The following PAM variants were observed in gnomAD, a reference collection of about 807,000 sequenced individuals.
PAM encodes the protein peptidylglycine alpha-amidating monooxygenase.
A neutral mutation model predicts 122.1 loss-of-function variants in PAM; 72 were observed. The ratio of observed to expected loss-of-function variants is 0.59; its 90% CI spans 0.49 to 0.72. The LOEUF is 0.72. Ranked by LOEUF, PAM falls within the 30% of genes least tolerant of loss-of-function variation. The pLI, the probability that PAM is intolerant of heterozygous loss-of-function variation, is 0.00. For synonymous variants in PAM, 389 were observed against 404.4 expected (o/e 0.96, Z 0.46); for missense variants, 1,106 against 1,183.7 (o/e 0.93, Z 0.96).
intron 1 of PAM, among the ~76,000 whole-genome samples, chr5:102,851,406 T>C (rs746245833): frequency 1.4e-4 from 22 of 152,202 alleles, no homozygotes; most frequent in Non-Finnish European, 2.6e-4. Context: ...AAGGCAGCCT[T>C]AATGAGCCTT....
intron 3 of PAM, among the ~76,000 whole-genome samples, chr5:102,887,759 T>C (rs1383652902): frequency 6.6e-6 from 1 of 151,998 alleles, no homozygotes. Flanking sequence ...GTTTCTTTGA[T>C]TTCCTTGCAC....
chr5:102,969,486 AAGG>A (rs1340124291), intron 14 of PAM, among the ~76,000 whole-genome samples: 1 of 152,076 alleles, frequency 6.6e-6, no homozygotes, highest in Non-Finnish European at 1.5e-5. Context: ...CTTTCTGAGG[AAGG>A]AGAAGAGTCT....
intron 1 of PAM, among the ~76,000 whole-genome samples, chr5:102,792,604 C>A (rs1401990288): frequency 6.6e-6 from 1 of 152,134 alleles, no homozygotes; most frequent in Admixed American, 6.6e-5. Flanking sequence ...TGGAATGGGG[C>A]AGTGTAATAA....
At chr5:102,786,135 T>G (rs1405615498) in intron 1 of PAM, among the ~76,000 whole-genome samples, 4 of 152,184 alleles carry the variant, frequency 2.6e-5, no homozygotes, top group Non-Finnish European at 4.4e-5. Flanking sequence ...GAGAAAGAAC[T>G]GAGAGGACAC....
At chr5:102,992,255 A>G (rs566933652) in intron 16 of PAM, among the ~76,000 whole-genome samples, 1 of 152,190 alleles carries the variant, frequency 6.6e-6, no homozygotes, top group African/African-American at 2.4e-5. Flanking sequence ...GCAGTTGAAC[A>G]TGCAAGATGT....
chr5:102,855,737 C>T (rs1782461927), intron 1 of PAM, among the ~76,000 whole-genome samples: 1 of 151,994 alleles, frequency 6.6e-6, no homozygotes, highest in Admixed American at 6.6e-5. Context: ...TCACAAACAT[C>T]TCATTAAAAA....
intron 1 of PAM, among the ~76,000 whole-genome samples, chr5:102,781,462 G>A (rs1580993252): frequency 1.3e-5 from 2 of 152,098 alleles, no homozygotes; most frequent in African/African-American, 4.8e-5. Context: ...AAATTCAGTG[G>A]GTACCTTCTC....
intron 14 of PAM, among the ~76,000 whole-genome samples, chr5:102,973,252 C>T (rs945647939): frequency 1.2e-4 from 19 of 152,118 alleles, no homozygotes; most frequent in African/African-American, 4.6e-4. Context: ...TTACCATTCA[C>T]ACAGTTGATA....
At chr5:103,021,326 G>A (rs1783487611) in intron 23 of PAM, among the ~76,000 whole-genome samples, 2 of 152,112 alleles carry the variant, frequency 1.3e-5, no homozygotes, top group South Asian at 4.1e-4. Context: ...TGCAGGTTGG[G>A]AATGGTTATA....
At chr5:102,957,766 G>C (rs1370784360) in intron 12 of PAM, among the ~76,000 whole-genome samples, 3 of 152,124 alleles carry the variant, frequency 2.0e-5, no homozygotes, top group African/African-American at 7.2e-5. Flanking sequence ...CTGACCTCAT[G>C]ATCCACCCAC....
At chr5:102,937,720 CCT>C (rs1345902133) in intron 7 of PAM, among the ~76,000 whole-genome samples, 1 of 152,070 alleles carries the variant, frequency 6.6e-6, no homozygotes, top group Non-Finnish European at 1.5e-5. Context: ...GCATGACTTG[CCT>C]AAGGTAGTCC....
chr5:102,905,335 G>A (rs1799218890), intron 4 of PAM, among the ~76,000 whole-genome samples: 1 of 151,602 alleles, frequency 6.6e-6, no homozygotes, highest in South Asian at 2.1e-4. Context: ...AATGATGACA[G>A]GTCCCTATCT....
At chr5:102,919,073 T>A (rs1320368852) in intron 5 of PAM, among the ~76,000 whole-genome samples, 2 of 152,154 alleles carry the variant, frequency 1.3e-5, no homozygotes, top group Non-Finnish European at 2.9e-5. Flanking sequence ...TAAATGAGGC[T>A]ATTTCCAGCT....
At chr5:102,828,846 G>C (rs1774474219) in intron 1 of PAM, among the ~76,000 whole-genome samples, 1 of 151,164 alleles carries the variant, frequency 6.6e-6, no homozygotes, top group South Asian at 2.1e-4. Context: ...GTAGAATACA[G>C]CTCTCAGCCT....
At chr5:102,933,137 A>C (rs1474942787) in intron 7 of PAM, among the ~76,000 whole-genome samples, 1 of 152,208 alleles carries the variant, frequency 6.6e-6, no homozygotes, top group East Asian at 1.9e-4. Context: ...AAAGCAGGCA[A>C]GATCACACCT....
chr5:102,957,744 G>A (rs1408756330), intron 12 of PAM, among the ~76,000 whole-genome samples: 1 of 152,062 alleles, frequency 6.6e-6, no homozygotes, highest in Non-Finnish European at 1.5e-5. Flanking sequence ...TGGCCAGGCT[G>A]GTCTTGAACT....
intron 1 of PAM, among the ~76,000 whole-genome samples, chr5:102,765,684 A>G (rs757585760): frequency 6.6e-6 from 1 of 152,204 alleles, no homozygotes; most frequent in Non-Finnish European, 1.5e-5. Flanking sequence ...ACATCAGTAT[A>G]TTGGCAGGGT....
chr5:102,894,232 C>A (rs557441356), intron 3 of PAM, among the ~76,000 whole-genome samples: 7 of 151,408 alleles, frequency 4.6e-5, no homozygotes, highest in Admixed American at 2.6e-4. Flanking sequence ...CTAGGGGGAG[C>A]CACAGAGAAG....
intron 1 of PAM, among the ~76,000 whole-genome samples, chr5:102,819,119 T>G (rs1027055441): frequency 6.6e-6 from 1 of 152,186 alleles, no homozygotes; most frequent in Non-Finnish European, 1.5e-5. Flanking sequence ...CTTTGCTGCT[T>G]GCTTGCACTT....
Sources: gnomAD v4.1 joint callset for allele counts (sites outside exome capture counted in the v4.1 genomes callset) on GRCh38, gnomAD v4.1.1 for gene constraint, MANE v1.5 for transcripts, NCBI Gene and HGNC (gene_info 2026-07-23, HGNC 2026-07-21) for gene names.